Variants in AFF3 observed in about 807,000 individuals in gnomAD.
AFF3 encodes ALF transcription elongation factor 3, also known as AF4/FMR2 family member 3.
AFF3 carries 32 observed loss-of-function variants against 129.7 expected under a neutral mutation model. The ratio of observed to expected loss-of-function variants is 0.25; its 90% CI spans 0.19 to 0.33. The LOEUF is 0.33. Ranked by LOEUF, AFF3 falls within the 10% of genes least tolerant of loss-of-function variation. AFF3 has a pLI of 1.00. For synonymous variants in AFF3, 644 were observed against 635.4 expected (o/e 1.01, Z -0.20); for missense variants, 1,373 against 1,592.0 (o/e 0.86, Z 2.34).
chr2:99,646,704 G>T (rs936906404), intron 13 of AFF3, among the ~76,000 whole-genome samples: 1 of 152,168 alleles, frequency 6.6e-6, no homozygotes, highest in Non-Finnish European at 1.5e-5. Flanking sequence ...ACAGTGGTCT[G>T]ACTTGAGGCA....
chr2:99,838,258 T>C (rs1689048583), intron 7 of AFF3, among the ~76,000 whole-genome samples: 1 of 152,108 alleles, frequency 6.6e-6, no homozygotes, highest in Non-Finnish European at 1.5e-5. Context: ...ACAGAAGCAG[T>C]GGACGCTGGT....
At chr2:99,912,571 A>G (rs1180479678) in intron 7 of AFF3, among the ~76,000 whole-genome samples, 1 of 152,162 alleles carries the variant, frequency 6.6e-6, no homozygotes, top group Non-Finnish European at 1.5e-5. Context: ...TAACCCCAAT[A>G]AACATAGTTG....
intron 4 of AFF3, among the ~76,000 whole-genome samples, chr2:100,082,443 C>T (rs1022933734): frequency 6.6e-6 from 1 of 151,760 alleles, no homozygotes; most frequent in Non-Finnish European, 1.5e-5. Context: ...TCCTGTCTGG[C>T]CATGCTTAAG....
chr2:100,104,833 GCGCC>G (rs1244334581), intron 3 of AFF3: 59 of 487,100 alleles, frequency 1.2e-4, no homozygotes, highest in Middle Eastern at 2.4e-3. Context: ...GCGGTGCTCT[GCGCC>G]CGCCCGCCCG....
intron 4 of AFF3, among the ~76,000 whole-genome samples, chr2:100,071,200 C>T (rs1442406787): frequency 6.6e-6 from 1 of 152,056 alleles, no homozygotes; most frequent in Non-Finnish European, 1.5e-5. Context: ...CAGTATATGA[C>T]CTGTTTCTAA....
intron 4 of AFF3, among the ~76,000 whole-genome samples, chr2:100,065,223 A>G (rs1378415083): frequency 6.6e-6 from 1 of 152,242 alleles, no homozygotes; most frequent in African/African-American, 2.4e-5. Flanking sequence ...ATAAAAAGTC[A>G]TATAAAAAGC....
At chr2:99,886,695 C>A (rs1693139638) in intron 7 of AFF3, among the ~76,000 whole-genome samples, 1 of 151,932 alleles carries the variant, frequency 6.6e-6, no homozygotes, top group African/African-American at 2.4e-5. Context: ...ATTACCCAAA[C>A]TGAAAAAAAT....
intron 7 of AFF3, among the ~76,000 whole-genome samples, chr2:99,899,967 T>C (rs1694231337): frequency 6.6e-6 from 1 of 152,174 alleles, no homozygotes; most frequent in African/African-American, 2.4e-5. Flanking sequence ...TTTAGGGCTT[T>C]ATTGTTAAAC....
At chr2:100,137,562 CACACAG>C (rs1346528735) in intron 1 of AFF3, among the ~76,000 whole-genome samples, 1 of 141,954 alleles carries the variant, frequency 7.0e-6, no homozygotes, top group Non-Finnish European at 1.6e-5. Flanking sequence ...CACACACAGA[CACACAG>C]AGGCATCCTG....
At chr2:99,703,269 C>T (rs534483722) in intron 11 of AFF3, among the ~76,000 whole-genome samples, 1 of 152,294 alleles carries the variant, frequency 6.6e-6, no homozygotes, top group East Asian at 1.9e-4. Flanking sequence ...AAGCCAGCAG[C>T]ATTTCCAAAT....
Position 100,103,508 on chromosome 2 carries a change from T to C in AFF3, c.53+894A>G, listed in dbSNP as rs990189777. Among the ~76,000 whole-genome samples the C allele has an allele frequency of 6.7e-4, 77 of 114,702 alleles. No individual in the cohort carries two copies. The Middle Eastern group carries it at 0.015, about 22-fold the overall frequency. The allele number at this position is 114,702 out of a possible 152,430, so 75.2% of individuals were successfully genotyped here. ...GTGCTGGTTGGAAACATTTAAGAGA[T>C]AGTGGGGGGTTGGGGGGAGCAGAGA... On this transcript the variant is annotated intron_variant, in intron 4 of 24. Coordinates refer to ENST00000672756, the MANE Select transcript of AFF3 (RefSeq NM_001386135.1).
intron 7 of AFF3, among the ~76,000 whole-genome samples, chr2:99,928,496 T>A (rs1214087464): frequency 6.6e-6 from 1 of 152,192 alleles, no homozygotes; most frequent in Non-Finnish European, 1.5e-5. Flanking sequence ...ATTACATTTC[T>A]ATAACTAGAA....
chr2:99,722,702 C>T (rs1240101475), intron 11 of AFF3, among the ~76,000 whole-genome samples: 5 of 152,156 alleles, frequency 3.3e-5, no homozygotes, highest in Admixed American at 6.5e-5. Context: ...TTGGCATATT[C>T]CCCACACATA....
In AFF3 at chr2:99,554,632, G is replaced by A. The variant is rs779633734; in HGVS notation, c.3335+51C>T. The A allele has an allele frequency of 7.4e-6, 12 of 1,612,944 alleles. No homozygotes were observed. In the Admixed American group the frequency reaches 1.2e-4, roughly 16 times the overall value. ...ACAGAAAGCAAAGCGCAGTGGCCCA[G>A]CACCATGCATTGTCTGGCTTACGGC... On this transcript the variant is annotated intron_variant, in intron 23 of 24. Transcript: ENST00000672756.
intron 7 of AFF3, among the ~76,000 whole-genome samples, chr2:99,932,620 G>A (rs1161956320): frequency 1.3e-5 from 2 of 152,146 alleles, no homozygotes; most frequent in Non-Finnish European, 2.9e-5. Context: ...TGCACACTAT[G>A]GCCCCTTACA....
chr2:100,039,477 G>A (rs1052146405), intron 4 of AFF3, among the ~76,000 whole-genome samples: 4 of 152,082 alleles, frequency 2.6e-5, no homozygotes, highest in Non-Finnish European at 5.9e-5. Flanking sequence ...AAGATCACTT[G>A]AGCCCAGGAG....
intron 4 of AFF3, among the ~76,000 whole-genome samples, chr2:100,080,366 G>A (rs1273166461): frequency 6.6e-6 from 1 of 152,106 alleles, no homozygotes. Context: ...TAATTAAAAC[G>A]TTAATATAGT....
chr2:100,096,407 TAGAA>T (rs1378412131), intron 4 of AFF3, among the ~76,000 whole-genome samples: 10 of 151,886 alleles, frequency 6.6e-5, no homozygotes, highest in African/African-American at 1.7e-4. Flanking sequence ...AGAATTGTAT[TAGAA>T]AGACTCACAA....
At chr2:99,904,938 A>T (rs1017514019) in intron 7 of AFF3, among the ~76,000 whole-genome samples, 6 of 152,032 alleles carry the variant, frequency 3.9e-5, no homozygotes, top group Admixed American at 2.0e-4. Flanking sequence ...GATGGTGCCT[A>T]GGTGCCCAGT....
Sources: gnomAD v4.1 joint callset for allele counts (sites outside exome capture counted in the v4.1 genomes callset) on GRCh38, gnomAD v4.1.1 for gene constraint, MANE v1.5 for transcripts, NCBI Gene and HGNC (gene_info 2026-07-23, HGNC 2026-07-21) for gene names.